FBN2: variants seen among roughly 807,000 people sequenced by gnomAD.
FBN2 encodes fibrillin-2.
A neutral mutation model predicts 355.6 loss-of-function variants in FBN2; 105 were observed. The ratio of observed to expected loss-of-function variants is 0.30; its 90% CI spans 0.25 to 0.35. The LOEUF is 0.35. Among genes scored for constraint, FBN2 ranks in the 10% least tolerant of loss-of-function variants. The pLI is 1.00. For missense variants in FBN2, 3,280 were observed against 3,758.7 expected, an observed-to-expected ratio of 0.87 and a Z score of 3.33; for synonymous variants, 1,350 against 1,301.2, an observed-to-expected ratio of 1.04 and a Z score of -0.81.
chr5:128,446,174 A>G, intron 7 of FBN2: 1 of 280,374 alleles, frequency 3.6e-6, no homozygotes, highest in Non-Finnish European at 7.1e-6. Context: ...CGTTTTTGAT[A>G]TAACTTTATA....
intron 7 of FBN2, among the ~76,000 whole-genome samples, chr5:128,423,990 A>T (rs1753419878): frequency 6.6e-6 from 1 of 152,178 alleles, no homozygotes; most frequent in African/African-American, 2.4e-5. Context: ...ATAACTTGGG[A>T]AAGAGAATGA....
At chr5:128,382,028 G>C (rs572410068) in intron 11 of FBN2, among the ~76,000 whole-genome samples, 1 of 151,742 alleles carries the variant, frequency 6.6e-6, no homozygotes, top group Non-Finnish European at 1.5e-5. Context: ...CTCTATACCT[G>C]GCCTCTCATC....
At chr5:128,272,177 C>A in intron 61 of FBN2, 59 bp from the exon 62 acceptor site, 1 of 1,603,566 alleles carries the variant, frequency 6.2e-7, no homozygotes, top group Non-Finnish European at 8.5e-7. Flanking sequence ...TTTTTAAATG[C>A]ACTCCAAACG....
intron 23 of FBN2, among the ~76,000 whole-genome samples, chr5:128,345,821 C>G (rs1345666482): frequency 6.6e-6 from 1 of 152,132 alleles, no homozygotes; most frequent in African/African-American, 2.4e-5. Flanking sequence ...AGAAAAGGTC[C>G]TCTCATGAGA....
intron 6 of FBN2, among the ~76,000 whole-genome samples, chr5:128,455,987 C>CAACAAAAAAAAAACAAA: frequency 1.9e-4 from 1 of 5,298 alleles, no homozygotes; most frequent in Non-Finnish European, 2.9e-4. Flanking sequence ...GGAGGGTTAG[C>CAACAAAAAAAAAACAAA]AACAAAAAAA....
chr5:128,318,351 A>G, intron 35 of FBN2, 80 bp from the exon 36 acceptor site: 1 of 1,477,106 alleles, frequency 6.8e-7, no homozygotes, highest in Non-Finnish European at 9.5e-7. Flanking sequence ...ATTTGGTGGA[A>G]TTTTTGCAAG....
intron 16 of FBN2, among the ~76,000 whole-genome samples, chr5:128,366,854 C>T (rs1263700332): frequency 6.6e-6 from 1 of 151,978 alleles, no homozygotes; most frequent in East Asian, 1.9e-4. Context: ...TTCCCAATAC[C>T]ACAAACTAAA....
chr5:128,285,206 A>AGTTT (rs33937406), intron 55 of FBN2, among the ~76,000 whole-genome samples: 104,851 of 151,560 alleles, frequency 0.69, 36,517 homozygotes, highest in East Asian at 0.86. Flanking sequence ...TTTTTGGGTA[A>AGTTT]GTTTGATTCC....
At chr5:128,456,088 C>T (rs529712497) in intron 6 of FBN2, among the ~76,000 whole-genome samples, 15 of 149,030 alleles carry the variant, frequency 1.0e-4, no homozygotes, top group Admixed American at 4.0e-4. Context: ...CTATAGCTCC[C>T]GGCTGTGCTT....
At chr5:128,478,603 T>C (rs935645359) in intron 5 of FBN2, among the ~76,000 whole-genome samples, 5 of 152,238 alleles carry the variant, frequency 3.3e-5, no homozygotes, top group Non-Finnish European at 7.3e-5. Flanking sequence ...ATTAAATGCC[T>C]ACAACTGATG....
chr5:128,434,288 C>A (rs1443634197), intron 7 of FBN2, among the ~76,000 whole-genome samples: 1 of 150,322 alleles, frequency 6.7e-6, no homozygotes, highest in East Asian at 1.9e-4. Context: ...TTATTTACAT[C>A]CTGCCATAAT....
rs1383547220 is a variant in FBN2 at position 128,534,070 on chromosome 5, A to G, written c.337+2332T>C. ...CTCCTTATAAAGCCTGTCAAACACT[A>G]AAATTCTGTTGACCATTTTTTATTT... On this transcript the variant is annotated intron_variant, in intron 2 of 64. Coordinates refer to ENST00000262464, the MANE Select transcript of FBN2 (RefSeq NM_001999.4). Among the ~76,000 whole-genome samples the G allele has an allele frequency of 3.9e-5, 6 of 152,188 alleles. No homozygotes were observed. In the East Asian group the frequency reaches 1.2e-3, roughly 29 times the overall value.
chr5:128,392,625 A>T (rs1752544726), intron 10 of FBN2, among the ~76,000 whole-genome samples: 1 of 152,248 alleles, frequency 6.6e-6, no homozygotes, highest in South Asian at 2.1e-4. Flanking sequence ...TTTCTTAAGC[A>T]ATTTAACAAA....
rs1765434129 is a variant in FBN2, at chr5:128,277,863, G to GCCCCCAA, written c.7471+16_7471+17insTTGGGGG. On this transcript the variant is annotated intron_variant, in intron 58 of 64. Coordinates refer to ENST00000262464, the MANE Select transcript of FBN2 (RefSeq NM_001999.4). ...ATTAGCCCCCAAACCCCTGGATATA[G>GCCCCCAA]AGGTGCCCATCGTTACCTATACAAG... is the stretch of plus-strand genomic sequence containing the variant. 6.2e-7 allele frequency: 1 copy of GCCCCCAA among 1,613,906 alleles called. No homozygotes were observed. The highest frequency in any genetic ancestry group is 1.3e-5 in the African/African-American group (1 of 74,934).
intron 62 of FBN2, among the ~76,000 whole-genome samples, chr5:128,269,799 C>T (rs1561739675): frequency 6.6e-6 from 1 of 152,196 alleles, no homozygotes; most frequent in Non-Finnish European, 1.5e-5. Flanking sequence ...AATGGCCATA[C>T]TGCCCAAAGT....
chr5:128,449,672 T>C (rs1445948410), intron 6 of FBN2, among the ~76,000 whole-genome samples: 2 of 150,922 alleles, frequency 1.3e-5, no homozygotes, highest in African/African-American at 2.4e-5. Flanking sequence ...AGACACGAGA[T>C]AGTAAAATGA....
At chr5:128,482,617 G>C (rs1162241618) in intron 5 of FBN2, among the ~76,000 whole-genome samples, 1 of 151,988 alleles carries the variant, frequency 6.6e-6, no homozygotes. Context: ...TTGCATGTGT[G>C]TCTGCATTTA....
At chr5:128,470,581 A>G (rs1754833547) in intron 5 of FBN2, among the ~76,000 whole-genome samples, 1 of 152,166 alleles carries the variant, frequency 6.6e-6, no homozygotes, top group African/African-American at 2.4e-5. Flanking sequence ...ATGGCAAGGA[A>G]GCTCAGGGTA....
At chr5:128,348,175 T>TA (rs1231617886) in intron 23 of FBN2, among the ~76,000 whole-genome samples, 1 of 152,242 alleles carries the variant, frequency 6.6e-6, no homozygotes, top group Non-Finnish European at 1.5e-5. Context: ...AGCATTTCAT[T>TA]ATAGAAGGTA....
Sources: allele counts gnomAD v4.1 joint callset (sites outside exome capture counted in the v4.1 genomes callset), GRCh38; gene constraint gnomAD v4.1.1; transcripts MANE v1.5; gene names NCBI Gene and HGNC (gene_info 2026-07-23, HGNC 2026-07-21).